MAP3K15: variants seen among roughly 807,000 people sequenced by gnomAD.
The protein encoded by MAP3K15 is MAPK/ERK kinase kinase 15.
MAP3K15 carries 124 observed loss-of-function variants against 99.5 expected under a neutral mutation model. The ratio of observed to expected loss-of-function variants is 1.25; its 90% CI spans 1.08 to 1.45. The LOEUF (loss-of-function observed/expected upper bound fraction) is 1.45, where lower values mean the gene tolerates loss of function less well. Ranked by LOEUF, MAP3K15 falls within the 40% of genes most tolerant of loss-of-function variation. MAP3K15 has a pLI of 0.00. For missense variants in MAP3K15, 1,242 were observed against 1,079.7 expected (o/e 1.15, Z -2.11); for synonymous variants, 494 against 439.6 (o/e 1.12, Z -1.55).
At chrX:19,422,097 T>C (rs1448882489) in intron 9 of MAP3K15, among the ~76,000 whole-genome samples, 3 of 109,960 alleles carry the variant, frequency 2.7e-5, no homozygotes, top group Non-Finnish European at 3.8e-5. Flanking sequence ...ACCTAGGCAA[T>C]ACCATTCAGG....
rs1434267094 is a variant in MAP3K15, at chrX:19,515,484, C to G, written c.-223G>C. On this transcript the variant is annotated 5_prime_UTR_variant, in exon 1 of 29. Coordinates refer to ENST00000338883, the MANE Select transcript of MAP3K15 (RefSeq NM_001001671.4). ...CGCTCAGGCCCCAAGGCCCCCAGCG[C>G]CCTTTGAAGGCCGGAGAGAAAGAGG... is the stretch of plus-strand genomic sequence containing the variant. Among the ~76,000 whole-genome samples, 1 of 111,427 alleles carries G rather than the reference C, an allele frequency of 9.0e-6. No homozygotes were observed. Among genetic ancestry groups the G allele is most frequent in the Non-Finnish European group, 1.9e-5 (1 of 52,729 alleles).
intron 6 of MAP3K15, among the ~76,000 whole-genome samples, chrX:19,453,779 G>T (rs920716829): frequency 1.8e-5 from 2 of 112,149 alleles, no homozygotes; most frequent in African/African-American, 6.5e-5. Context: ...AAAGTGGGAA[G>T]ATGTCATCAT....
chrX:19,502,265 C>G (rs1255587489), intron 1 of MAP3K15, among the ~76,000 whole-genome samples: 1 of 110,323 alleles, frequency 9.1e-6, no homozygotes, highest in Non-Finnish European at 1.9e-5. Context: ...TCCCCCACAC[C>G]TCATCTCGAG....
intron 2 of MAP3K15, among the ~76,000 whole-genome samples, chrX:19,487,038 A>G (rs2147399199): frequency 9.4e-6 from 1 of 106,396 alleles, no homozygotes; most frequent in Non-Finnish European, 1.9e-5. Flanking sequence ...AGGAATGTTC[A>G]AATTCAATGA....
intron 3 of MAP3K15, among the ~76,000 whole-genome samples, chrX:19,466,314 T>A (rs1012832730): frequency 1.8e-5 from 2 of 111,862 alleles, no homozygotes; most frequent in Middle Eastern, 4.2e-3. Flanking sequence ...CCTACCCAAA[T>A]CTCATCTTGA....
intron 9 of MAP3K15, among the ~76,000 whole-genome samples, chrX:19,420,013 C>T (rs2063769565): frequency 9.0e-6 from 1 of 111,551 alleles, no homozygotes; most frequent in Non-Finnish European, 1.9e-5. Context: ...CACAACATAC[C>T]AGAATCTCTG....
intron 19 of MAP3K15, among the ~76,000 whole-genome samples, chrX:19,378,923 T>G (rs747251136): frequency 1.8e-5 from 2 of 111,033 alleles, no homozygotes; most frequent in Non-Finnish European, 3.8e-5. Flanking sequence ...AGGGATATAT[T>G]TACCTGATAG....
intron 1 of MAP3K15, among the ~76,000 whole-genome samples, chrX:19,510,080 T>C (rs1008741950): frequency 9.0e-6 from 1 of 110,902 alleles, no homozygotes; most frequent in African/African-American, 3.3e-5. Context: ...CAATAACAAG[T>C]TCTGAAATTG....
chrX:19,445,074 C>A (rs2063985578), intron 6 of MAP3K15, among the ~76,000 whole-genome samples: 1 of 111,281 alleles, frequency 9.0e-6, no homozygotes, highest in Admixed American at 9.6e-5. Flanking sequence ...AACTCCTCAA[C>A]ACTATACAGC....
intron 13 of MAP3K15, among the ~76,000 whole-genome samples, chrX:19,401,555 A>C (rs1306886601): frequency 9.0e-6 from 1 of 111,611 alleles, no homozygotes; most frequent in African/African-American, 3.3e-5. Flanking sequence ...ATCAATGCTA[A>C]GGATAGGGGG....
chrX:19,424,305 C>T (rs6527921), intron 9 of MAP3K15, among the ~76,000 whole-genome samples: 18 of 96,681 alleles, frequency 1.9e-4, no homozygotes, highest in African/African-American at 5.8e-4. Context: ...CATATATATA[C>T]ACACATATAT....
intron 6 of MAP3K15, among the ~76,000 whole-genome samples, chrX:19,454,536 C>T (rs896230488): frequency 9.0e-6 from 1 of 111,439 alleles, no homozygotes; most frequent in East Asian, 2.8e-4. Flanking sequence ...CTGACCGGCT[C>T]GAGCCAGCTT....
chrX:19,511,821 T>C (rs779589593), intron 1 of MAP3K15, among the ~76,000 whole-genome samples: 15 of 112,188 alleles, frequency 1.3e-4, no homozygotes, highest in Non-Finnish European at 2.3e-4. Context: ...TTGCTGGGTA[T>C]ATACCCAAAG....
intron 6 of MAP3K15, among the ~76,000 whole-genome samples, chrX:19,448,415 T>C (rs753790810): frequency 9.2e-6 from 1 of 109,219 alleles, no homozygotes; most frequent in African/African-American, 3.3e-5. Context: ...CTCAAAACAA[T>C]CAAGTGAGCA....
Position 19,488,190 on chromosome X carries a change from T to C in MAP3K15, c.501+638A>G, listed in dbSNP as rs147324837. 1.4e-3 allele frequency among the ~76,000 whole-genome samples: 160 copies of C among 112,290 alleles called. 4 individuals carry two copies. In the East Asian group the frequency reaches 0.036, roughly 25 times the overall value. Reference sequence around the variant, plus strand: ...ATTTTGGAATAACTCATGTTAAACATTTCCACTATACAAATGCAAGCATTT... The same window carrying C: ...ATTTTGGAATAACTCATGTTAAACACTTCCACTATACAAATGCAAGCATTT... On this transcript the variant is annotated intron_variant, in intron 2 of 28. Transcript: ENST00000338883.
At chrX:19,367,311 C>T (rs1441843538) in intron 25 of MAP3K15, among the ~76,000 whole-genome samples, 3 of 110,692 alleles carry the variant, frequency 2.7e-5, no homozygotes, top group Non-Finnish European at 3.8e-5. Context: ...ACAACACACA[C>T]TGGGGCCTAC....
At chrX:19,481,513 G>C (rs186969811) in intron 3 of MAP3K15, among the ~76,000 whole-genome samples, 4 of 111,748 alleles carry the variant, frequency 3.6e-5, no homozygotes, top group Non-Finnish European at 7.5e-5. Context: ...ATCCATAAAA[G>C]AAATAATTGA....
intron 3 of MAP3K15, among the ~76,000 whole-genome samples, chrX:19,466,279 C>T (rs2064168694): frequency 8.9e-6 from 1 of 111,916 alleles, no homozygotes; most frequent in Non-Finnish European, 1.9e-5. Context: ...CTTTCTTCCA[C>T]CTTGATATGG....
chrX:19,395,901 G>C (rs1293943863), intron 15 of MAP3K15, among the ~76,000 whole-genome samples: 1 of 111,946 alleles, frequency 8.9e-6, no homozygotes, highest in African/African-American at 3.2e-5. Context: ...AGTCATATCA[G>C]ACAATCTGTT....
Sources: gnomAD v4.1 joint callset for allele counts (sites outside exome capture counted in the v4.1 genomes callset) on GRCh38, gnomAD v4.1.1 for gene constraint, MANE v1.5 for transcripts, NCBI Gene and HGNC (gene_info 2026-07-23, HGNC 2026-07-21) for gene names.